The following NECTIN1 variants were observed in gnomAD, a reference collection of about 807,000 sequenced individuals.
The protein encoded by NECTIN1 is nectin-1.
A neutral mutation model predicts 48.0 loss-of-function variants in NECTIN1; 23 were observed. The observed-to-expected ratio is 0.48, with a 90% confidence interval of 0.34 to 0.68. The LOEUF (loss-of-function observed/expected upper bound fraction) is 0.68. Among genes scored for constraint, NECTIN1 ranks in the 30% least tolerant of loss-of-function variants. NECTIN1 has a pLI of 0.01. For missense variants in NECTIN1, 591 were observed against 709.9 expected (o/e 0.83, Z 1.90); for synonymous variants, 270 against 288.9 (o/e 0.93, Z 0.66).
At position 119,672,969 on chromosome 11, in the gene NECTIN1, ACTC is replaced by A. The variant is rs1420638016; in HGVS notation, c.1003+2187_1003+2189del. Among the ~76,000 whole-genome samples, 12 of 152,048 alleles carry A rather than the reference ACTC, an allele frequency of 7.9e-5. No individual in the cohort carries two copies. The highest frequency in any genetic ancestry group is 1.3e-4 in the Non-Finnish European group (9 of 67,968). On this transcript the variant is annotated intron_variant, in intron 5 of 5. Coordinates refer to ENST00000264025, the MANE Select transcript of NECTIN1 (RefSeq NM_002855.5). This position sits in a 1 kb window ranked among gnomAD's most constrained non-coding sequence, Gnocchi z 4.3. Reference sequence around the variant, plus strand: ...GCCCACCTTCTGCCCTGCCCCAGTCACTCCTCATTTCCCTTTCCAGATGTGCCC... The same window carrying A: ...GCCCACCTTCTGCCCTGCCCCAGTCACTCATTTCCCTTTCCAGATGTGCCC...
intron 5 of NECTIN1, chr11:119,642,947 T>A (rs375365394): frequency 6.5e-6 from 1 of 153,726 alleles, no homozygotes; most frequent in Admixed American, 6.5e-5. Context: ...ACTCCACGGA[T>A]GCAGAACCCA....
chr11:119,657,265 C>T (rs373638023), downstream of NECTIN1, among the ~76,000 whole-genome samples: 29 of 152,260 alleles, frequency 1.9e-4, no homozygotes, highest in Middle Eastern at 3.4e-3. Flanking sequence ...ACACCTGGGG[C>T]GGCCTCTTCC....
intron 1 of NECTIN1, among the ~76,000 whole-genome samples, chr11:119,681,302 G>A (rs1462012618): frequency 1.3e-5 from 2 of 152,246 alleles, no homozygotes; most frequent in Admixed American, 1.3e-4. Context: ...AAAGCCAGTT[G>A]GGAGGGCTTG....
chr11:119,674,455 C>T (rs1340164159), intron 5 of NECTIN1: 19 of 1,597,344 alleles, frequency 1.2e-5, no homozygotes, highest in Admixed American at 1.0e-4. Flanking sequence ...ACTTACATCA[C>T]GTAGAATTCT....
intron 5 of NECTIN1, among the ~76,000 whole-genome samples, chr11:119,645,670 G>A (rs764140686): frequency 7.2e-5 from 11 of 152,142 alleles, no homozygotes; most frequent in Non-Finnish European, 1.3e-4. Context: ...CTCTGTCTCC[G>A]TCTCAACATC....
Position 119,677,640 on chromosome 11 carries a change from G to A in NECTIN1, c.648C>T (p.Ser216=), listed in dbSNP as rs1249066423. 6.2e-7 allele frequency: 1 copy of A among 1,613,996 alleles called. No individual in the cohort carries two copies. Among genetic ancestry groups the A allele is most frequent in the Non-Finnish European group, 8.5e-7 (1 of 1,180,030 alleles). ...CCAAGGACTGCTGGTGGGCTTCCCT[G>A]CTGGGCACCAGGCGGTAGCGGCTGA... ...TVISRYRLVP[S]REAHQQSLAC... The change falls in exon 3 of 6, where the codon AGC becomes AGT. Residue 216 remains serine (S), a synonymous_variant. Transcript: ENST00000264025. The surrounding 1 kb of genome is among the most constrained non-coding windows in gnomAD (Gnocchi z 5.4).
chr11:119,650,059 A>T (rs1260193296), intron 5 of NECTIN1, among the ~76,000 whole-genome samples: 2 of 151,828 alleles, frequency 1.3e-5, no homozygotes, highest in Non-Finnish European at 2.9e-5. Flanking sequence ...AATTACAGTC[A>T]AAGGGGGGTT....
intron 5 of NECTIN1, among the ~76,000 whole-genome samples, chr11:119,648,488 C>T (rs536469325): frequency 1.5e-5 from 2 of 132,298 alleles, no homozygotes; most frequent in East Asian, 2.2e-4. Flanking sequence ...CCAGCACCAG[C>T]AGGATACTTC....
At chr11:119,641,533 T>A (rs980109692) in intron 5 of NECTIN1, 1 of 152,204 alleles carries the variant, frequency 6.6e-6, no homozygotes, top group Admixed American at 6.5e-5. Flanking sequence ...CTTCCTCTCA[T>A]CCTCAGGTAG....
intron 1 of NECTIN1, among the ~76,000 whole-genome samples, chr11:119,698,616 G>C (rs1865383682): frequency 6.6e-6 from 1 of 152,170 alleles, no homozygotes; most frequent in South Asian, 2.1e-4. Context: ...ACAGACCTGG[G>C]GCTGGGCTCT....
intron 1 of NECTIN1, among the ~76,000 whole-genome samples, chr11:119,692,910 G>A (rs1345729703): frequency 6.6e-6 from 1 of 152,192 alleles, no homozygotes; most frequent in African/African-American, 2.4e-5. Flanking sequence ...ACCAGACCTG[G>A]GTGAGCAGCC....
intron 4 of NECTIN1, among the ~76,000 whole-genome samples, chr11:119,676,009 G>GAA (rs33954161): frequency 0.48 from 68,492 of 143,016 alleles, 16,896 homozygotes; most frequent in African/African-American, 0.64. Context: ...CCGTCTCAAA[G>GAA]AAAAAAAAAA....
intron 5 of NECTIN1, among the ~76,000 whole-genome samples, chr11:119,645,012 C>A (rs1278394865): frequency 6.6e-6 from 1 of 152,192 alleles, no homozygotes; most frequent in Non-Finnish European, 1.5e-5. Flanking sequence ...GGAGTCACCT[C>A]CTCCAGAGCT....
chr11:119,651,549 G>T (rs990812956), intron 5 of NECTIN1, among the ~76,000 whole-genome samples: 11 of 152,072 alleles, frequency 7.2e-5, no homozygotes, highest in Non-Finnish European at 1.6e-4. Flanking sequence ...TCTCGTGGGG[G>T]CTTGGATTGT....
chr11:119,712,195 C>CGGAGT (rs1200167657), intron 1 of NECTIN1, among the ~76,000 whole-genome samples: 2 of 152,192 alleles, frequency 1.3e-5, no homozygotes, highest in Non-Finnish European at 2.9e-5. Context: ...AAGTCCCAGT[C>CGGAGT]CACAGGCTGC....
At position 119,665,014 on chromosome 11, in the gene NECTIN1, G is replaced by A; in HGVS notation, c.1287C>T (p.Gly429=). Residue 429 remains glycine (G), a synonymous_variant, in exon 6 of 6, where the codon GGC becomes GGT. Transcript: ENST00000264025. The surrounding 1 kb of genome is among the most constrained non-coding windows in gnomAD (Gnocchi z 5.1). ...CCTCATAGCTGCTTCCACCCAGTGG[G>A]CCGGCCTTCTTCTCGTCGTCTGAGT... The part of the protein sequence containing the change: ...PDDSDDEKKA[G]PLGGSSYEEE... 1.2e-6 allele frequency: 2 copies of A among 1,613,804 alleles called. No homozygotes were observed. The highest frequency in any genetic ancestry group is 1.7e-6 in the Non-Finnish European group (2 of 1,179,904).
intron 1 of NECTIN1, among the ~76,000 whole-genome samples, chr11:119,714,252 C>A (rs903866355): frequency 6.6e-6 from 1 of 152,124 alleles, no homozygotes; most frequent in Admixed American, 6.5e-5. Flanking sequence ...GGCCCCTGGA[C>A]TTCCAACTGC....
intron 1 of NECTIN1, among the ~76,000 whole-genome samples, chr11:119,710,815 C>G (rs1234762994): frequency 1.3e-5 from 2 of 152,056 alleles, no homozygotes; most frequent in Non-Finnish European, 2.9e-5. Flanking sequence ...TAATTTCTGA[C>G]TCAAACACTA....
intron 1 of NECTIN1, among the ~76,000 whole-genome samples, 199 bp downstream of exon 1, chr11:119,728,276 A>C (rs1865950014): frequency 6.6e-6 from 1 of 152,214 alleles, no homozygotes. Context: ...CGTGCATCTG[A>C]CTGCTTCCCT....
Sources: gnomAD v4.1 joint callset for allele counts (sites outside exome capture counted in the v4.1 genomes callset) on GRCh38, gnomAD v4.1.1 for gene constraint, Gnocchi (gnomAD v3.1) non-coding constraint, MANE v1.5 for transcripts, NCBI Gene and HGNC (gene_info 2026-07-23, HGNC 2026-07-21) for gene names.